The following JMJD1C variants were observed in gnomAD, a reference collection of about 807,000 sequenced individuals.
JMJD1C encodes jumonji domain containing 1C, also known as jumonji domain-containing protein 1C.
A neutral mutation model predicts 245.3 loss-of-function variants in JMJD1C; 31 were observed. The ratio of observed to expected loss-of-function variants is 0.13; its 90% CI spans 0.09 to 0.17. The LOEUF is 0.17. Among genes scored for constraint, JMJD1C ranks in the 10% least tolerant of loss-of-function variants. JMJD1C has a pLI of 1.00. For missense variants in JMJD1C, 2,691 were observed against 3,000.2 expected, an observed-to-expected ratio of 0.90 and a Z score of 2.41; for synonymous variants, 1,057 against 1,017.4, an observed-to-expected ratio of 1.04 and a Z score of -0.74.
intron 10 of JMJD1C, chr10:63,203,513 A>G (rs1846255791): frequency 1.0e-6 from 1 of 978,778 alleles, no homozygotes; most frequent in Non-Finnish European, 1.2e-6. Flanking sequence ...AGAGAAATTA[A>G]CTGTGATCAT....
upstream of JMJD1C, among the ~76,000 whole-genome samples, chr10:63,467,512 G>A (rs375440710): frequency 5.3e-5 from 8 of 151,976 alleles, no homozygotes; most frequent in Admixed American, 2.6e-4. Context: ...CAGTCCCCCC[G>A]AAAACAAACA....
intron 1 of JMJD1C, among the ~76,000 whole-genome samples, chr10:63,399,676 A>G (rs556233723): frequency 1.3e-5 from 2 of 152,188 alleles, no homozygotes; most frequent in African/African-American, 4.8e-5. Context: ...ACCCCCAGGC[A>G]TATATAATTA....
intron 2 of JMJD1C, among the ~76,000 whole-genome samples, chr10:63,355,542 T>C (rs758543788): frequency 1.3e-5 from 2 of 152,114 alleles, no homozygotes; most frequent in Non-Finnish European, 2.9e-5. Context: ...TTTATTTACA[T>C]GAGACAGACC....
At chr10:63,203,180 A>G (rs897258276) in intron 10 of JMJD1C, 1 of 984,884 alleles carries the variant, frequency 1.0e-6, no homozygotes, top group African/African-American at 1.7e-5. Context: ...AAGGCCACAC[A>G]TGACTGCAAC....
chr10:63,329,793 C>A lies in JMJD1C; in HGVS notation c.333+50525G>T, dbSNP rs534401783. Among the ~76,000 whole-genome samples, 13 of 152,320 alleles carry A rather than the reference C, an allele frequency of 8.5e-5. No homozygotes were observed. The South Asian group carries it at 2.7e-3, about 32-fold the overall frequency. The stretch of plus-strand genomic sequence containing the variant: ...GGGTTAGCAGCAGTAAGCCACAGCT[C>A]CCCGTCAGCCACACTATTACAAAGG... On this transcript the variant is annotated intron_variant, in intron 2 of 25. Transcript: ENST00000399262.
chr10:63,234,118 A>G (rs1402063829), intron 3 of JMJD1C, among the ~76,000 whole-genome samples: 4 of 152,174 alleles, frequency 2.6e-5, no homozygotes, highest in Non-Finnish European at 5.9e-5. Flanking sequence ...TACTCTTTGC[A>G]TTCTTTTAAA....
chr10:63,327,189 A>C (rs572760444), intron 2 of JMJD1C, among the ~76,000 whole-genome samples: 52 of 152,290 alleles, frequency 3.4e-4, no homozygotes, highest in African/African-American at 1.2e-3. Flanking sequence ...CTCGCCTCAA[A>C]AAAACTAAAA....
At chr10:63,255,479 G>C (rs77091185) in intron 3 of JMJD1C, among the ~76,000 whole-genome samples, 1 of 152,254 alleles carries the variant, frequency 6.6e-6, no homozygotes, top group African/African-American at 2.4e-5. Context: ...ATTCTGGAGA[G>C]GGTTTAAAGG....
At chr10:63,394,198 A>AAAAAAGGC (rs1192749952) in intron 1 of JMJD1C, among the ~76,000 whole-genome samples, 40 of 150,624 alleles carry the variant, frequency 2.7e-4, no homozygotes, top group African/African-American at 9.7e-4. Flanking sequence ...AAAAAAAAAA[A>AAAAAAGGC]AAAAAGGCTA....
intron 1 of JMJD1C, among the ~76,000 whole-genome samples, chr10:63,434,999 A>G (rs910692148): frequency 1.3e-5 from 2 of 152,270 alleles, no homozygotes; most frequent in African/African-American, 4.8e-5. Flanking sequence ...GCATATCTTT[A>G]GAACACCAAT....
At chr10:63,171,499 G>T (rs1358173770) in intron 24 of JMJD1C, among the ~76,000 whole-genome samples, 2 of 152,212 alleles carry the variant, frequency 1.3e-5, no homozygotes, top group African/African-American at 4.8e-5. Context: ...CCAAAGAACA[G>T]AATGTTGTTT....
intron 1 of JMJD1C, among the ~76,000 whole-genome samples, chr10:63,483,808 T>G (rs1311390786): frequency 6.6e-6 from 1 of 152,212 alleles, no homozygotes; most frequent in Non-Finnish European, 1.5e-5. Context: ...ATTTTAACTG[T>G]GATTCATTTT....
chr10:63,360,137 C>T (rs1945200453), intron 2 of JMJD1C, among the ~76,000 whole-genome samples: 1 of 151,884 alleles, frequency 6.6e-6, no homozygotes, highest in African/African-American at 2.4e-5. Flanking sequence ...TAGCAAGATC[C>T]CCCATCTCTT....
intron 2 of JMJD1C, among the ~76,000 whole-genome samples, chr10:63,319,244 G>A (rs1035410395): frequency 3.9e-5 from 5 of 128,086 alleles, no homozygotes; most frequent in Admixed American, 3.8e-4. Context: ...GCGACAGAGC[G>A]AGACTCCATC....
chr10:63,456,412 T>G (rs981883411), intron 1 of JMJD1C, among the ~76,000 whole-genome samples: 1 of 152,130 alleles, frequency 6.6e-6, no homozygotes, highest in Non-Finnish European at 1.5e-5. Flanking sequence ...ATCTATAGAA[T>G]CACAATATAG....
chr10:63,188,660 T>G (rs1238850200), intron 18 of JMJD1C, among the ~76,000 whole-genome samples: 1 of 152,218 alleles, frequency 6.6e-6, no homozygotes, highest in Non-Finnish European at 1.5e-5. Context: ...TATCAAAACT[T>G]TTGTCCAACA....
Position 63,176,722 on chromosome 10 carries a change from C to A in JMJD1C, c.7225-249G>T, listed in dbSNP as rs1222531363. ...ACTTCCTTCTCACCACCTCCTTCCA[C>A]TATGAAGTTTCCATCTATCTGGTTT... On this transcript the variant is annotated intron_variant, in intron 23 of 25. Coordinates refer to ENST00000399262, the MANE Select transcript of JMJD1C (RefSeq NM_032776.3). The A allele has an allele frequency of 2.8e-5, 10 of 359,650 alleles. No homozygotes were observed. The Admixed American group carries it at 4.2e-4, about 15-fold the overall frequency. The allele number at this position is 359,650 out of a possible 1,614,324, so 22.3% of individuals were successfully genotyped here.
chr10:63,282,010 T>C (rs1857463824), intron 2 of JMJD1C, among the ~76,000 whole-genome samples: 1 of 152,180 alleles, frequency 6.6e-6, no homozygotes, highest in Admixed American at 6.5e-5. Context: ...CCTGACCTTT[T>C]TTGGTCAAAA....
intron 2 of JMJD1C, among the ~76,000 whole-genome samples, chr10:63,293,457 C>G (rs918552399): frequency 6.6e-5 from 10 of 152,192 alleles, no homozygotes; most frequent in African/African-American, 2.4e-4. Context: ...TCACTGCTAC[C>G]ATTCTCTCAG....
Sources: gnomAD v4.1 joint callset for allele counts (sites outside exome capture counted in the v4.1 genomes callset) on GRCh38, gnomAD v4.1.1 for gene constraint, MANE v1.5 for transcripts, NCBI Gene and HGNC (gene_info 2026-07-23, HGNC 2026-07-21) for gene names.